The following CACNB2 variants were observed in gnomAD, a reference collection of about 807,000 sequenced individuals.
CACNB2 encodes the protein calcium voltage-gated channel auxiliary subunit beta 2, also known as voltage-dependent L-type calcium channel subunit beta-2.
A neutral mutation model predicts 73.3 loss-of-function variants in CACNB2; 42 were observed. The ratio of observed to expected loss-of-function variants is 0.57; its 90% CI spans 0.45 to 0.74. CACNB2 has a LOEUF of 0.74. Ranked by LOEUF, CACNB2 falls within the 30% of genes least tolerant of loss-of-function variation. The pLI is 0.00. For missense variants in CACNB2, 940 were observed against 853.0 expected (o/e 1.10, Z -1.27); for synonymous variants, 348 against 310.3 (o/e 1.12, Z -1.28).
At chr10:18,145,992 A>C (rs972457264) in intron 1 of CACNB2, among the ~76,000 whole-genome samples, 1 of 151,296 alleles carries the variant, frequency 6.6e-6, no homozygotes, top group African/African-American at 2.4e-5. Context: ...CCTGCTAGAC[A>C]CCCACCCCCA....
At chr10:18,486,489 C>T (rs1181885326) in intron 3 of CACNB2, among the ~76,000 whole-genome samples, 1 of 152,230 alleles carries the variant, frequency 6.6e-6, no homozygotes, top group African/African-American at 2.4e-5. Context: ...CATTAACCAC[C>T]TCTCTGACAA....
At chr10:18,232,470 G>A (rs540541457) in intron 2 of CACNB2, among the ~76,000 whole-genome samples, 8 of 152,238 alleles carry the variant, frequency 5.3e-5, no homozygotes, top group African/African-American at 1.9e-4. Context: ...GTATAGGAAA[G>A]GAATAATTGA....
chr10:18,384,688 C>G (rs575087085), intron 2 of CACNB2, among the ~76,000 whole-genome samples: 1 of 151,712 alleles, frequency 6.6e-6, no homozygotes, highest in East Asian at 2.0e-4. Context: ...TGAGATATTG[C>G]CATTGTACTC....
chr10:18,342,612 C>T (rs1007822828), intron 2 of CACNB2, among the ~76,000 whole-genome samples: 10 of 152,088 alleles, frequency 6.6e-5, no homozygotes, highest in Non-Finnish European at 8.8e-5. Context: ...GGCCTGGCTA[C>T]CTCTCATTTT....
intron 2 of CACNB2, among the ~76,000 whole-genome samples, chr10:18,179,000 G>A (rs1429017515): frequency 6.6e-6 from 1 of 152,186 alleles, no homozygotes; most frequent in Non-Finnish European, 1.5e-5. Flanking sequence ...TAAAGAGGCA[G>A]AAACCTTCCA....
intron 2 of CACNB2, among the ~76,000 whole-genome samples, chr10:18,333,573 A>T (rs917336515): frequency 1.3e-5 from 2 of 152,110 alleles, no homozygotes; most frequent in Non-Finnish European, 2.9e-5. Context: ...ATTTTTTGAG[A>T]AAAGCATGTG....
At position 18,321,922 on chromosome 10, in the gene CACNB2, G is replaced by A. The variant is rs576261004; in HGVS notation, c.214-80002G>A. Among the ~76,000 whole-genome samples the A allele has an allele frequency of 2.0e-4, 31 of 152,294 alleles. No individual in the cohort carries two copies. The South Asian group carries it at 6.4e-3, about 32-fold the overall frequency. ...AATCCCAGCATTTTGTGAGGCCAAG[G>A]TGGGAGGATCACAAGAGGCCAAGAG... On this transcript the variant is annotated intron_variant, in intron 2 of 13. Coordinates refer to ENST00000324631, the MANE Select transcript of CACNB2 (RefSeq NM_201596.3).
chr10:18,372,625 T>C (rs1308951190), intron 2 of CACNB2, among the ~76,000 whole-genome samples: 1 of 152,208 alleles, frequency 6.6e-6, no homozygotes, highest in Non-Finnish European at 1.5e-5. Flanking sequence ...CAGGCTGGCC[T>C]TGAACTTCTG....
At chr10:18,418,991 A>G (rs1479791614) in intron 3 of CACNB2, among the ~76,000 whole-genome samples, 1 of 152,248 alleles carries the variant, frequency 6.6e-6, no homozygotes, top group East Asian at 1.9e-4. Flanking sequence ...TTGTAAGCTT[A>G]CATTTGAGTC....
chr10:18,364,853 C>T (rs1387110051), intron 2 of CACNB2, among the ~76,000 whole-genome samples: 1 of 152,138 alleles, frequency 6.6e-6, no homozygotes, highest in Non-Finnish European at 1.5e-5. Flanking sequence ...CTTTAGCTTA[C>T]TTTCTTGTTA....
intron 2 of CACNB2, among the ~76,000 whole-genome samples, chr10:18,309,245 G>T (rs912002360): frequency 1.3e-5 from 2 of 151,896 alleles, no homozygotes. Context: ...AGAAAGAGGG[G>T]ACAATTCAGA....
intron 2 of CACNB2, among the ~76,000 whole-genome samples, chr10:18,339,469 C>T (rs892253727): frequency 3.9e-5 from 6 of 152,062 alleles, no homozygotes; most frequent in Non-Finnish European, 8.8e-5. Context: ...TGCAGTGAGC[C>T]GAGATCGCGC....
At chr10:18,398,588 T>G (rs557825875) in intron 2 of CACNB2, among the ~76,000 whole-genome samples, 15 of 152,078 alleles carry the variant, frequency 9.9e-5, no homozygotes, top group African/African-American at 3.6e-4. Flanking sequence ...GGAGGATCAC[T>G]TTCGCCCAGG....
chr10:18,499,853 G>C (rs375798122), intron 4 of CACNB2, among the ~76,000 whole-genome samples: 1 of 151,002 alleles, frequency 6.6e-6, no homozygotes, highest in Non-Finnish European at 1.5e-5. Context: ...AGCATACACC[G>C]GTAGTCCTAG....
chr10:18,383,733 T>A (rs1173732708), intron 2 of CACNB2, among the ~76,000 whole-genome samples: 3 of 152,040 alleles, frequency 2.0e-5, no homozygotes. Flanking sequence ...TTAAATGGAA[T>A]CTTGCTCTGT....
At chr10:18,209,705 A>T (rs2035240781) in intron 2 of CACNB2, among the ~76,000 whole-genome samples, 1 of 152,118 alleles carries the variant, frequency 6.6e-6, no homozygotes, top group Non-Finnish European at 1.5e-5. Flanking sequence ...AGTGCCGACA[A>T]ATTTGCTTTT....
chr10:18,466,128 T>A (rs906784061), intron 3 of CACNB2, among the ~76,000 whole-genome samples: 1 of 152,250 alleles, frequency 6.6e-6, no homozygotes, highest in African/African-American at 2.4e-5. Flanking sequence ...CCAGTTACGG[T>A]GCACGAAGCC....
At chr10:18,499,805 T>TAAAA (rs60864177) in intron 4 of CACNB2, among the ~76,000 whole-genome samples, 1 of 117,788 alleles carries the variant, frequency 8.5e-6, no homozygotes, top group African/African-American at 3.3e-5. Flanking sequence ...ACCCCATCTC[T>TAAAA]AAAAAAAAAA....
At chr10:18,356,276 C>T (rs1282860059) in intron 2 of CACNB2, among the ~76,000 whole-genome samples, 1 of 152,202 alleles carries the variant, frequency 6.6e-6, no homozygotes, top group East Asian at 1.9e-4. Context: ...CACTTTGCAT[C>T]ACGCTAGCTC....
Sources: gnomAD v4.1 joint callset for allele counts (sites outside exome capture counted in the v4.1 genomes callset) on GRCh38, gnomAD v4.1.1 for gene constraint, MANE v1.5 for transcripts, NCBI Gene and HGNC (gene_info 2026-07-23, HGNC 2026-07-21) for gene names.